ETV6: variants seen among roughly 807,000 people sequenced by gnomAD.
ETV6 encodes transcription factor ETV6.
In ETV6, 16 loss-of-function variants were observed where a neutral mutation model predicts 51.1. That is an observed-to-expected ratio of 0.31 (90% CI 0.21 to 0.48). The LOEUF (loss-of-function observed/expected upper bound fraction) is 0.48. ETV6 is among the 20% of genes least tolerant of loss of function. The probability of loss-of-function intolerance (pLI) is 0.99; values close to 1 mark genes in which losing one functional copy is unlikely to be tolerated. For missense variants in ETV6, 458 were observed against 594.8 expected (o/e 0.77, Z 2.39); for synonymous variants, 240 against 224.1 (o/e 1.07, Z -0.64).
At chr12:11,772,587 A>G (rs536844512) in intron 2 of ETV6, among the ~76,000 whole-genome samples, 57 of 152,242 alleles carry the variant, frequency 3.7e-4, no homozygotes, top group Non-Finnish European at 6.2e-4. Flanking sequence ...AACTACACTG[A>G]GTCAAGGAAG....
intron 2 of ETV6, among the ~76,000 whole-genome samples, chr12:11,771,915 G>C (rs1242903154): frequency 6.6e-6 from 1 of 152,194 alleles, no homozygotes; most frequent in Non-Finnish European, 1.5e-5. Flanking sequence ...CTGACACTGT[G>C]ATATGAGGAA....
intron 3 of ETV6, chr12:11,840,460 G>C (rs1368617646): frequency 2.2e-6 from 1 of 456,096 alleles, no homozygotes; most frequent in South Asian, 1.5e-5. Flanking sequence ...TCCCACTGCA[G>C]ACCTCGACTC....
At position 11,851,299 on chromosome 12, in the gene ETV6, C is replaced by T. The variant is rs543844904; in HGVS notation, c.329-2128C>T. On this transcript the variant is annotated intron_variant, in intron 3 of 7. Transcript: ENST00000396373. ...TTTCAATGTTTTCATTTTTCTATTC[C>T]GCATACTACCAAAAAAACCAGATAA... 4.6e-5 allele frequency among the ~76,000 whole-genome samples: 7 copies of T among 151,590 alleles called. No individual in the cohort carries two copies. In the East Asian group the frequency reaches 7.7e-4, roughly 17 times the overall value.
At chr12:11,848,233 T>C (rs1313579138) in intron 3 of ETV6, among the ~76,000 whole-genome samples, 1 of 152,138 alleles carries the variant, frequency 6.6e-6, no homozygotes, top group Admixed American at 6.5e-5. Context: ...ATAGTTCTCA[T>C]TTTACACACA....
intron 2 of ETV6, among the ~76,000 whole-genome samples, chr12:11,837,836 T>C (rs916671110): frequency 2.0e-5 from 3 of 152,194 alleles, no homozygotes; most frequent in Non-Finnish European, 4.4e-5. Context: ...TTAAATTTGG[T>C]CTCATGTCTC....
Position 11,891,620 on chromosome 12 carries a change from A to C in ETV6, c.*574A>C. 1.9e-6 allele frequency: 1 copy of C among 529,938 alleles called. No individual in the cohort carries two copies. The allele number at this position is 529,938 out of a possible 1,614,324, so 32.8% of individuals were successfully genotyped here. ...TGGCTGAAAAAAAAAAATGCTTTTA[A>C]AAAAGATAAAATGAAAAGGAGAGCT... On this transcript the variant is annotated 3_prime_UTR_variant, in exon 8 of 8. Transcript: ENST00000396373.
In ETV6 at chr12:11,797,974, T is replaced by C. The variant is rs935164273; in HGVS notation, c.164-41166T>C. On this transcript the variant is annotated intron_variant, in intron 2 of 7. Transcript: ENST00000396373. Reference sequence around the variant, plus strand: ...ATGGGTTTATTTGGGAATGTGATGATAGAAACAAAAGGAAATTCCTTTGTT... The same window carrying C: ...ATGGGTTTATTTGGGAATGTGATGACAGAAACAAAAGGAAATTCCTTTGTT... 3.3e-5 allele frequency among the ~76,000 whole-genome samples: 5 copies of C among 152,226 alleles called. No individual in the cohort carries two copies. The South Asian group carries it at 6.2e-4, about 19-fold the overall frequency.
intron 2 of ETV6, among the ~76,000 whole-genome samples, chr12:11,829,960 T>C (rs1475344939): frequency 6.6e-6 from 1 of 152,130 alleles, no homozygotes; most frequent in Non-Finnish European, 1.5e-5. Flanking sequence ...AGGAGTGAGA[T>C]GTGGAGCTTG....
At chr12:11,811,931 A>C (rs1267177518) in intron 2 of ETV6, among the ~76,000 whole-genome samples, 1 of 152,222 alleles carries the variant, frequency 6.6e-6, no homozygotes, top group African/African-American at 2.4e-5. Flanking sequence ...AGAGAACTGG[A>C]AAGCTGAGAT....
At chr12:11,678,163 G>A (rs1274385677) in intron 1 of ETV6, among the ~76,000 whole-genome samples, 1 of 152,200 alleles carries the variant, frequency 6.6e-6, no homozygotes, top group Non-Finnish European at 1.5e-5. Context: ...CTTATTATAA[G>A]AACTTTGGGC....
At chr12:11,667,933 C>T (rs1864227074) in intron 1 of ETV6, among the ~76,000 whole-genome samples, 6 of 151,812 alleles carry the variant, frequency 4.0e-5, no homozygotes, top group Admixed American at 3.9e-4. Flanking sequence ...AACTCCTGAC[C>T]TCGCGATCCA....
At chr12:11,717,206 A>G (rs1404620295) in intron 1 of ETV6, among the ~76,000 whole-genome samples, 1 of 152,190 alleles carries the variant, frequency 6.6e-6, no homozygotes, top group Non-Finnish European at 1.5e-5. Flanking sequence ...CCTTTTGCAA[A>G]GAGCAGGCAA....
At chr12:11,783,201 G>A (rs1407939928) in intron 2 of ETV6, among the ~76,000 whole-genome samples, 2 of 152,118 alleles carry the variant, frequency 1.3e-5, no homozygotes, top group Non-Finnish European at 1.5e-5. Flanking sequence ...GTGGCAAGAC[G>A]AGAAGGAAGA....
intron 2 of ETV6, among the ~76,000 whole-genome samples, chr12:11,760,878 A>ATG (rs59373097): frequency 0.021 from 3,192 of 148,474 alleles, 82 homozygotes; most frequent in African/African-American, 0.063. Flanking sequence ...TATTATATAT[A>ATG]TGTGTGTGTG....
chr12:11,807,861 A>G (rs1357862955), intron 2 of ETV6, among the ~76,000 whole-genome samples: 1 of 152,194 alleles, frequency 6.6e-6, no homozygotes, highest in East Asian at 1.9e-4. Flanking sequence ...TCTCCTGGTA[A>G]CAATAGGAAT....
intron 1 of ETV6, among the ~76,000 whole-genome samples, chr12:11,658,679 G>A (rs1864046726): frequency 6.6e-6 from 1 of 152,110 alleles, no homozygotes; most frequent in African/African-American, 2.4e-5. Context: ...ACAGGGCTGG[G>A]GTCACTCAGT....
intron 2 of ETV6, among the ~76,000 whole-genome samples, chr12:11,771,454 A>G (rs1250490356): frequency 2.6e-5 from 4 of 152,166 alleles, no homozygotes; most frequent in Non-Finnish European, 5.9e-5. Flanking sequence ...ATAAACTTCA[A>G]ACTGGTGGGA....
At chr12:11,826,186 C>T (rs142998273) in intron 2 of ETV6, among the ~76,000 whole-genome samples, 4 of 152,046 alleles carry the variant, frequency 2.6e-5, no homozygotes, top group Non-Finnish European at 4.4e-5. Flanking sequence ...GCCTGCAGAC[C>T]GCCCAGAGAC....
At chr12:11,848,054 A>G (rs182974594) in intron 3 of ETV6, among the ~76,000 whole-genome samples, 1 of 152,360 alleles carries the variant, frequency 6.6e-6, no homozygotes, top group East Asian at 1.9e-4. Flanking sequence ...ATACAAAAGT[A>G]CTGAAACAAA....
Sources: allele counts gnomAD v4.1 joint callset (sites outside exome capture counted in the v4.1 genomes callset), GRCh38; gene constraint gnomAD v4.1.1; transcripts MANE v1.5; gene names NCBI Gene and HGNC (gene_info 2026-07-23, HGNC 2026-07-21).